Variants in AADAC observed in about 807,000 individuals in gnomAD.
The protein encoded by AADAC is arylacetamide deacetylase (esterase).
Under a neutral mutation model 22.7 loss-of-function variants are expected in AADAC, and 17 were observed. The ratio of observed to expected loss-of-function variants is 0.75; its 90% CI spans 0.51 to 1.12. The LOEUF (loss-of-function observed/expected upper bound fraction) is 1.12, where lower values mean the gene tolerates loss of function less well. Among genes scored for constraint, AADAC ranks in the 50% most tolerant of loss-of-function variants. The pLI, the probability that AADAC is intolerant of heterozygous loss-of-function variation, is 0.00. For synonymous variants in AADAC, 167 were observed against 176.3 expected, an observed-to-expected ratio of 0.95 and a Z score of 0.42; for missense variants, 465 against 473.9, an observed-to-expected ratio of 0.98 and a Z score of 0.17.
chr3:151,816,518 GA>G (rs1715994744), intron 1 of AADAC, among the ~76,000 whole-genome samples: 2 of 151,938 alleles, frequency 1.3e-5, no homozygotes, highest in South Asian at 4.1e-4. Flanking sequence ...AGATTCTTGA[GA>G]AGAGCATTTG....
chr3:151,818,786 G>A (rs932388179), intron 2 of AADAC, among the ~76,000 whole-genome samples: 3 of 152,012 alleles, frequency 2.0e-5, no homozygotes, highest in Non-Finnish European at 4.4e-5. Flanking sequence ...TGGGTGTGAA[G>A]GTTGTATATT....
At chr3:151,821,725 A>G (rs564062545) in intron 3 of AADAC, among the ~76,000 whole-genome samples, 1 of 152,110 alleles carries the variant, frequency 6.6e-6, no homozygotes, top group African/African-American at 2.4e-5. Flanking sequence ...ATCTGTGTTT[A>G]ATTCATTGCA....
At position 151,817,447 on chromosome 3, in the gene AADAC, A is replaced by G. The variant is rs144650170; in HGVS notation, c.220A>G (p.Thr74Ala). The change falls in exon 2 of 5, where the codon ACC becomes GCC. Residue 74 changes from threonine (T) to alanine (A), a missense_variant. By Grantham distance (58) the Thr-to-Ala change is moderately conservative. Coordinates refer to ENST00000232892, the MANE Select transcript of AADAC (RefSeq NM_001086.3). Reference protein sequence around the residue: ...VVGSFDEVPPTSDENVTVTET... With the variant: ...VVGSFDEVPPASDENVTVTET... ...CGGGAGCTTTGATGAAGTCCCACCA[A>G]CCTCAGATGAAAATGTCACTGTGAC... 1,563 of 1,613,712 alleles carry G rather than the reference A, an allele frequency of 9.7e-4. 31 individuals are homozygous for G. The East Asian group carries it at 0.025, about 26-fold the overall frequency.
Position 151,814,259 on chromosome 3 carries a change from A to T in AADAC, c.97A>T (p.Met33Leu). Residue 33 changes from methionine to leucine, a missense_variant, in exon 1 of 5, where the codon ATG becomes TTG. Transcript: ENST00000232892. ...LPDNVEEPWR[M>L]MWINAHLKTI... ...AGATAACGTTGAGGAGCCATGGAGA[A>T]TGATGTGGATAAACGCACATCTGAA... 2 of 1,613,370 alleles carry T rather than the reference A, an allele frequency of 1.2e-6. No individual in the cohort carries two copies. The highest frequency in any genetic ancestry group is 1.7e-6 in the Non-Finnish European group (2 of 1,179,508).
chr3:151,823,962 T>A (rs181754345), intron 3 of AADAC, among the ~76,000 whole-genome samples: 1 of 152,160 alleles, frequency 6.6e-6, no homozygotes, highest in East Asian at 1.9e-4. Flanking sequence ...TTAGTGAATT[T>A]TTAAATTTGC....
chr3:151,821,283 G>C lies in AADAC; in HGVS notation c.431+831G>C, dbSNP rs1283490033. ...AGCGTATAGTTTAGGCTCAACAAGT[G>C]TTATACACTGCGCTAAGTATATTAA... On this transcript the variant is annotated intron_variant, in intron 3 of 4. Transcript: ENST00000232892. 1.4e-4 allele frequency among the ~76,000 whole-genome samples: 22 copies of C among 151,882 alleles called. 1 individual carries two copies. The highest frequency in any genetic ancestry group is 1.5e-5 in the Non-Finnish European group (1 of 67,952).
At chr3:151,827,025 G>T (rs1716523366) in intron 4 of AADAC, among the ~76,000 whole-genome samples, 1 of 151,754 alleles carries the variant, frequency 6.6e-6, no homozygotes, top group African/African-American at 2.4e-5. Flanking sequence ...AGCAATTCTT[G>T]TGTCTTAGCC....
Position 151,817,398 on chromosome 3 carries a change from T to C in AADAC, c.171T>C (p.His57=). ...ATFVELLGLH[H]FMDSFKVVGS... Reference sequence around the variant, plus strand: ...TTGTGGAGCTCCTGGGACTTCACCATTTTATGGATTCCTTTAAGGTTGTCG... The same window carrying C: ...TTGTGGAGCTCCTGGGACTTCACCACTTTATGGATTCCTTTAAGGTTGTCG... Residue 57 remains histidine (H), a synonymous_variant, in exon 2 of 5, where the codon CAT becomes CAC. Transcript: ENST00000232892. 1 of 1,613,658 alleles carries C rather than the reference T, an allele frequency of 6.2e-7. No homozygotes were observed. The highest frequency in any genetic ancestry group is 8.5e-7 in the Non-Finnish European group (1 of 1,179,636).
intron 1 of AADAC, among the ~76,000 whole-genome samples, chr3:151,817,128 A>G (rs191956348): frequency 3.3e-5 from 5 of 152,126 alleles, no homozygotes; most frequent in Non-Finnish European, 5.9e-5. Context: ...TCAAGGAGAT[A>G]TATTTTGGGA....
intron 3 of AADAC, among the ~76,000 whole-genome samples, chr3:151,822,762 T>C (rs7648471): frequency 2.0e-5 from 3 of 151,990 alleles, no homozygotes; most frequent in African/African-American, 7.2e-5. Context: ...AAGTGACTAC[T>C]AATGGGTATA....
chr3:151,826,494 G>C (rs1335723032), intron 4 of AADAC, among the ~76,000 whole-genome samples: 1 of 151,856 alleles, frequency 6.6e-6, no homozygotes, highest in African/African-American at 2.4e-5. Flanking sequence ...GATAATTATA[G>C]TTAAAATGTG....
Position 151,828,070 on chromosome 3 carries a change from C to T in AADAC, c.1098C>T (p.Asn366=), listed in dbSNP as rs140197497. ...ACACTGGGGTTCAGGTGACTCATAA[C>T]CATGTTGAGGATGGATTCCATGGAG... ...LRNTGVQVTH[N]HVEDGFHGAF... The change falls in exon 5 of 5, where the codon AAC becomes AAT. Residue 366 remains asparagine, a synonymous_variant. Transcript: ENST00000232892. 102 of 1,612,850 alleles carry T rather than the reference C, an allele frequency of 6.3e-5. 1 individual carries two copies. Among genetic ancestry groups the T allele is most frequent in the Non-Finnish European group, 7.7e-5 (91 of 1,179,278 alleles).
chr3:151,827,599 G>A lies in AADAC; in HGVS notation c.627G>A (p.Lys209=), dbSNP rs770391569. ...TQQLLDDPDV[K]IKLKIQSLIY... ...AGCTCCTTGATGACCCAGATGTCAA[G>A]ATCAAACTCAAGATCCAGTCTTTAA... Residue 209 remains lysine, a synonymous_variant, in exon 5 of 5, where the codon AAG becomes AAA. Transcript: ENST00000232892. The A allele has an allele frequency of 1.9e-6, 3 of 1,578,070 alleles. No individual in the cohort carries two copies. Among genetic ancestry groups the A allele is most frequent in the Admixed American group, 1.8e-5 (1 of 55,080 alleles).
rs756073579 is a variant in AADAC, at chr3:151,824,737, G to A, written c.506G>A (p.Arg169His). The change falls in exon 4 of 5, where the codon CGT (arginine) becomes CAT (histidine). Residue 169 changes from arginine to histidine, a missense_variant. By Grantham distance (29) the Arg-to-His change is conservative. Transcript: ENST00000232892. ...TATAATGCCTTAAGGTGGTTCTTAC[G>A]TAAAAAAGTTCTTGCAAAATATGGT... ...DVYNALRWFL[R>H]KKVLAKYGVN... 39 of 1,608,592 alleles carry A rather than the reference G, an allele frequency of 2.4e-5. 1 individual carries two copies. Among genetic ancestry groups the A allele is most frequent in the East Asian group, 9.0e-5 (4 of 44,678 alleles).
chr3:151,825,261 G>A (rs766327793), intron 4 of AADAC, among the ~76,000 whole-genome samples: 9 of 151,588 alleles, frequency 5.9e-5, no homozygotes, highest in Non-Finnish European at 1.0e-4. Flanking sequence ...GTGTAAGTTT[G>A]TAGTCCTAGC....
intron 2 of AADAC, among the ~76,000 whole-genome samples, chr3:151,818,229 A>G (rs530966568): frequency 5.2e-5 from 7 of 133,698 alleles, no homozygotes; most frequent in Admixed American, 1.6e-4. Context: ...CAACAGAGCA[A>G]GACTCTGCCT....
At chr3:151,827,533 GT>G (rs11306821) in intron 4 of AADAC, 42 bp from the exon 5 acceptor site, 940,120 of 1,223,200 alleles carry the variant, frequency 0.77, 364,654 homozygotes, top group Middle Eastern at 0.82. Flanking sequence ...ATATTTTATT[GT>G]TTTAAATGAA....
At chr3:151,820,134 T>C in intron 2 of AADAC, among the ~76,000 whole-genome samples, 1 of 142,894 alleles carries the variant, frequency 7.0e-6, no homozygotes, top group East Asian at 2.0e-4. Flanking sequence ...GAAGGATCAA[T>C]GGCAAAATGT....
chr3:151,824,877 C>A, intron 4 of AADAC, 43 bp downstream of exon 4: 2 of 1,399,234 alleles, frequency 1.4e-6, no homozygotes, highest in South Asian at 1.9e-5. Context: ...AGCGTTTCTA[C>A]GCTGTTTTAA....
Sources: allele counts gnomAD v4.1 joint callset (sites outside exome capture counted in the v4.1 genomes callset), GRCh38; gene constraint gnomAD v4.1.1; transcripts MANE v1.5; gene names NCBI Gene and HGNC (gene_info 2026-07-23, HGNC 2026-07-21).